The following LRP1B variants were observed in gnomAD, a reference collection of about 807,000 sequenced individuals.
The protein encoded by LRP1B is low-density lipoprotein receptor-related protein 1B.
LRP1B carries 217 observed loss-of-function variants against 556.6 expected under a neutral mutation model. The observed-to-expected ratio is 0.39, with a 90% CI of 0.35 to 0.44. The LOEUF (loss-of-function observed/expected upper bound fraction) is 0.44. LRP1B is among the 20% of genes least tolerant of loss of function. The pLI, the probability that LRP1B is intolerant of heterozygous loss-of-function variation, is 1.00. For synonymous variants in LRP1B, 2,047 were observed against 1,865.8 expected, an observed-to-expected ratio of 1.10 and a Z score of -2.50; for missense variants, 5,053 against 5,620.8, an observed-to-expected ratio of 0.90 and a Z score of 3.23.
At chr2:140,844,144 C>A (rs1692203426) in intron 29 of LRP1B, among the ~76,000 whole-genome samples, 1 of 152,074 alleles carries the variant, frequency 6.6e-6, no homozygotes, top group Non-Finnish European at 1.5e-5. Flanking sequence ...TCACCACAAC[C>A]TCTGCCTCCT....
At chr2:141,524,360 T>G (rs1005971881) in intron 2 of LRP1B, among the ~76,000 whole-genome samples, 1 of 151,922 alleles carries the variant, frequency 6.6e-6, no homozygotes, top group Admixed American at 6.6e-5. Flanking sequence ...TATTCCTTCT[T>G]CTGCTGTTGC....
intron 25 of LRP1B, among the ~76,000 whole-genome samples, chr2:140,879,213 A>G (rs1043560969): frequency 6.6e-6 from 1 of 152,124 alleles, no homozygotes; most frequent in Admixed American, 6.6e-5. Flanking sequence ...CTTTCTATCC[A>G]GTTATACTTT....
At chr2:141,952,071 G>T (rs574795524) in intron 1 of LRP1B, among the ~76,000 whole-genome samples, 128 of 141,278 alleles carry the variant, frequency 9.1e-4, no homozygotes, top group African/African-American at 3.2e-3. Context: ...TCATTGTTCA[G>T]TTCCCACCTA....
rs531523407 is a variant in LRP1B at position 141,833,158 on chromosome 2, A to T, written c.83-22757T>A. On this transcript the variant is annotated intron_variant, in intron 1 of 90. Transcript: ENST00000389484. ...AATTGCAGTTAAATCAACTGAATTA[A>T]TTTCACTAAAATAAATTTTAAAATA... Among the ~76,000 whole-genome samples, 162 of 151,912 alleles carry T rather than the reference A, an allele frequency of 1.1e-3. 1 individual carries two copies. The highest frequency in any genetic ancestry group is 3.8e-3 in the African/African-American group (158 of 41,556).
chr2:141,880,825 C>G (rs1698934081), intron 1 of LRP1B, among the ~76,000 whole-genome samples: 2 of 151,948 alleles, frequency 1.3e-5, no homozygotes, highest in Non-Finnish European at 2.9e-5. Context: ...ATGGTGAATA[C>G]ATCATCGTGA....
At chr2:140,603,135 T>A (rs986740041) in intron 41 of LRP1B, among the ~76,000 whole-genome samples, 2 of 152,000 alleles carry the variant, frequency 1.3e-5, no homozygotes, top group Non-Finnish European at 2.9e-5. Context: ...GAATTGTATA[T>A]CTAGTAATAT....
intron 7 of LRP1B, among the ~76,000 whole-genome samples, chr2:141,076,400 A>C (rs979373997): frequency 2.0e-5 from 3 of 152,216 alleles, no homozygotes. Context: ...AAGAGGATTA[A>C]TACTTGAAAA....
rs138003846 is a variant in LRP1B, at chr2:140,367,830, G to C, written c.11008+2880C>G. 1.5e-3 allele frequency among the ~76,000 whole-genome samples: 224 copies of C among 151,742 alleles called. 1 individual carries two copies. Among genetic ancestry groups the C allele is most frequent in the African/African-American group, 4.8e-3 (200 of 41,492 alleles). On this transcript the variant is annotated intron_variant, in intron 71 of 90. Coordinates refer to ENST00000389484, the MANE Select transcript of LRP1B (RefSeq NM_018557.3). Reference sequence around the variant, plus strand: ...TTACATTCAAACAAAATTTGTGAACGTTTGACATTCTCTGATTATTTTAGA... The same window carrying C: ...TTACATTCAAACAAAATTTGTGAACCTTTGACATTCTCTGATTATTTTAGA...
chr2:141,808,713 A>T (rs1696240752), intron 2 of LRP1B, among the ~76,000 whole-genome samples: 1 of 152,112 alleles, frequency 6.6e-6, no homozygotes, highest in South Asian at 2.1e-4. Context: ...AAAAGACCGT[A>T]TATTCAATAA....
chr2:140,315,673 G>GACA (rs1684489695), intron 82 of LRP1B, among the ~76,000 whole-genome samples: 1 of 152,112 alleles, frequency 6.6e-6, no homozygotes, highest in South Asian at 2.1e-4. Context: ...TTATAATATG[G>GACA]ACAAACATAG....
At chr2:141,758,466 A>G (rs186053528) in intron 2 of LRP1B, among the ~76,000 whole-genome samples, 15 of 152,268 alleles carry the variant, frequency 9.9e-5, no homozygotes, top group Non-Finnish European at 2.1e-4. Flanking sequence ...TAAAATATAT[A>G]CATATATATG....
intron 3 of LRP1B, among the ~76,000 whole-genome samples, chr2:141,415,761 A>T (rs1691078025): frequency 6.6e-6 from 1 of 152,142 alleles, no homozygotes; most frequent in South Asian, 2.1e-4. Context: ...ACTTGTAAAT[A>T]ATTATCTCCC....
At chr2:141,076,698 T>G (rs902998814) in intron 7 of LRP1B, among the ~76,000 whole-genome samples, 1 of 152,324 alleles carries the variant, frequency 6.6e-6, no homozygotes, top group South Asian at 2.1e-4. Flanking sequence ...CAGCCCTCTC[T>G]TCCCTGGCTG....
At chr2:141,488,302 T>C (rs1192862444) in intron 2 of LRP1B, among the ~76,000 whole-genome samples, 2 of 152,136 alleles carry the variant, frequency 1.3e-5, no homozygotes, top group Admixed American at 1.3e-4. Flanking sequence ...TATCACCAAA[T>C]TTGATATGTA....
chr2:140,379,477 T>A (rs1558841503), intron 67 of LRP1B, among the ~76,000 whole-genome samples: 1 of 152,026 alleles, frequency 6.6e-6, no homozygotes, highest in Non-Finnish European at 1.5e-5. Context: ...GGCAGATCAG[T>A]TGAGGTCAGG....
intron 2 of LRP1B, among the ~76,000 whole-genome samples, chr2:141,690,647 C>T (rs190720123): frequency 3.1e-4 from 46 of 150,804 alleles, no homozygotes; most frequent in African/African-American, 9.9e-4. Context: ...CTTATCTTTG[C>T]TAATCCCATA....
At chr2:140,344,503 G>T (rs919915125) in intron 77 of LRP1B, among the ~76,000 whole-genome samples, 15 of 151,526 alleles carry the variant, frequency 9.9e-5, no homozygotes, top group African/African-American at 3.2e-4. Context: ...TACCTTGAAG[G>T]TGTATTCAAC....
chr2:140,960,100 G>T (rs1474223233), intron 18 of LRP1B, among the ~76,000 whole-genome samples: 1 of 151,600 alleles, frequency 6.6e-6, no homozygotes, highest in African/African-American at 2.4e-5. Flanking sequence ...GAGATTCCTT[G>T]TTCCTAGCTC....
intron 2 of LRP1B, among the ~76,000 whole-genome samples, chr2:141,722,074 GCTTT>G (rs1351731210): frequency 6.6e-6 from 1 of 152,156 alleles, no homozygotes; most frequent in Admixed American, 6.5e-5. Context: ...GGAACATCAT[GCTTT>G]CTTTAAAAAT....
Sources: allele counts gnomAD v4.1 joint callset (sites outside exome capture counted in the v4.1 genomes callset), GRCh38; gene constraint gnomAD v4.1.1; transcripts MANE v1.5; gene names NCBI Gene and HGNC (gene_info 2026-07-23, HGNC 2026-07-21).